Variants in MAGI2 observed in about 807,000 individuals in gnomAD.
MAGI2 encodes the protein membrane associated guanylate kinase, WW and PDZ domain containing 2, also known as membrane-associated guanylate kinase, WW and PDZ domain-containing protein 2.
MAGI2 carries 35 observed loss-of-function variants against 133.3 expected under a neutral mutation model. The observed-to-expected ratio is 0.26, with a 90% CI of 0.20 to 0.35. The LOEUF is 0.35. Ranked by LOEUF, MAGI2 falls within the 10% of genes least tolerant of loss-of-function variation. The pLI, the probability that MAGI2 is intolerant of heterozygous loss-of-function variation, is 1.00. For missense variants in MAGI2, 1,636 were observed against 1,863.4 expected (o/e 0.88, Z 2.25); for synonymous variants, 729 against 710.6 (o/e 1.03, Z -0.41).
At chr7:78,070,488 G>GTA (rs1394995553) in intron 21 of MAGI2, among the ~76,000 whole-genome samples, 1 of 143,342 alleles carries the variant, frequency 7.0e-6, no homozygotes, top group African/African-American at 2.6e-5. Flanking sequence ...ATATGTGTGT[G>GTA]TATATATGTG....
chr7:78,385,700 T>C (rs1795319813), intron 6 of MAGI2, among the ~76,000 whole-genome samples: 2 of 152,320 alleles, frequency 1.3e-5, no homozygotes, highest in African/African-American at 4.8e-5. Context: ...CACAATTCTT[T>C]CCATCTTGGC....
chr7:78,480,597 T>C (rs1792260674), intron 6 of MAGI2, among the ~76,000 whole-genome samples: 1 of 151,986 alleles, frequency 6.6e-6, no homozygotes, highest in Admixed American at 6.6e-5. Flanking sequence ...AATCACTCAA[T>C]GTAATCTACC....
chr7:78,313,629 CAA>C lies in MAGI2; in HGVS notation c.1408+30147_1408+30148del, dbSNP rs11351014. On this transcript the variant is annotated intron_variant, in intron 9 of 21. Coordinates refer to ENST00000354212, the MANE Select transcript of MAGI2 (RefSeq NM_012301.4). ...AGAAATAGGTACTTTGCTATTGGTA[CAA>C]AAAAAAAAGTCAAGAAATTTATGGA... 9.6e-5 allele frequency among the ~76,000 whole-genome samples: 14 copies of C among 145,376 alleles called. No homozygotes were observed. The East Asian group carries it at 1.4e-3, about 14-fold the overall frequency.
chr7:78,372,245 C>G (rs1793993446), intron 6 of MAGI2, among the ~76,000 whole-genome samples: 1 of 151,990 alleles, frequency 6.6e-6, no homozygotes, highest in African/African-American at 2.4e-5. Flanking sequence ...AAAAAAACTT[C>G]TTAACATTAT....
At chr7:78,370,082 A>G (rs914719917) in intron 6 of MAGI2, among the ~76,000 whole-genome samples, 1 of 152,092 alleles carries the variant, frequency 6.6e-6, no homozygotes, top group Non-Finnish European at 1.5e-5. Context: ...TGAAGTTTAA[A>G]AAGTTTTATT....
chr7:78,791,235 G>C (rs867410897), intron 2 of MAGI2, among the ~76,000 whole-genome samples: 1 of 152,042 alleles, frequency 6.6e-6, no homozygotes. Flanking sequence ...AAGAGAGAGA[G>C]AAAAGTTTAA....
intron 11 of MAGI2, among the ~76,000 whole-genome samples, chr7:78,198,432 T>A (rs1828927246): frequency 6.7e-6 from 1 of 148,254 alleles, no homozygotes; most frequent in African/African-American, 2.5e-5. Flanking sequence ...GTGGCCGTTT[T>A]TTTTTTTTTT....
intron 1 of MAGI2, chr7:79,412,793 C>T (rs138954783): frequency 2.0e-5 from 3 of 152,228 alleles, no homozygotes; most frequent in African/African-American, 4.8e-5. Flanking sequence ...TTCAGTGTTT[C>T]AGAATCTGAA....
intron 21 of MAGI2, among the ~76,000 whole-genome samples, chr7:78,069,250 G>A (rs145671945): frequency 1.9e-3 from 285 of 152,202 alleles, no homozygotes; most frequent in Non-Finnish European, 2.5e-3. Context: ...TAGAAACTTC[G>A]GCAGGCCTGG....
chr7:79,089,468 G>A (rs1213052326), intron 1 of MAGI2, among the ~76,000 whole-genome samples: 1 of 152,018 alleles, frequency 6.6e-6, no homozygotes, highest in Non-Finnish European at 1.5e-5. Flanking sequence ...ATACCCAAAA[G>A]ATTATAAATC....
intron 2 of MAGI2, among the ~76,000 whole-genome samples, chr7:78,828,765 C>T (rs368389714): frequency 2.6e-5 from 4 of 152,038 alleles, no homozygotes; most frequent in African/African-American, 7.2e-5. Context: ...GTACTATCTT[C>T]GTAAATTTTC....
At chr7:79,335,318 T>C (rs558619907) in intron 1 of MAGI2, among the ~76,000 whole-genome samples, 1 of 152,104 alleles carries the variant, frequency 6.6e-6, no homozygotes, top group Non-Finnish European at 1.5e-5. Context: ...TGAGTGAACA[T>C]CAGTGACCAT....
At chr7:78,138,910 A>C (rs1334736654) in intron 16 of MAGI2, among the ~76,000 whole-genome samples, 1 of 152,228 alleles carries the variant, frequency 6.6e-6, no homozygotes, top group Non-Finnish European at 1.5e-5. Flanking sequence ...GGTTGAAAGC[A>C]ATTTGAATTA....
Position 78,443,749 on chromosome 7 carries a change from T to C in MAGI2, c.1045+46012A>G, listed in dbSNP as rs182335332. Among the ~76,000 whole-genome samples the C allele has an allele frequency of 1.1e-3, 166 of 152,290 alleles. 2 individuals are homozygous for C. The East Asian group carries it at 0.024, about 22-fold the overall frequency. ...CCCATCTATGTCTTTGACTAATCTG[T>C]ACATCAGACTATGCAGTCAAGAATT... is the stretch of plus-strand genomic sequence containing the variant. On this transcript the variant is annotated intron_variant, in intron 6 of 21. Coordinates refer to ENST00000354212, the MANE Select transcript of MAGI2 (RefSeq NM_012301.4).
At chr7:78,442,105 A>G (rs1787689594) in intron 6 of MAGI2, among the ~76,000 whole-genome samples, 1 of 152,154 alleles carries the variant, frequency 6.6e-6, no homozygotes, top group Non-Finnish European at 1.5e-5. Context: ...CTCTTCTTCC[A>G]AAGTGTTTGC....
chr7:79,116,260 C>T (rs1316653738), intron 1 of MAGI2, among the ~76,000 whole-genome samples: 2 of 152,158 alleles, frequency 1.3e-5, no homozygotes, highest in African/African-American at 4.8e-5. Context: ...CTAAGGCTCC[C>T]ATAACATCTC....
At chr7:78,311,721 GT>G (rs1453061689) in intron 9 of MAGI2, among the ~76,000 whole-genome samples, 4 of 150,876 alleles carry the variant, frequency 2.7e-5, no homozygotes, top group African/African-American at 9.7e-5. Context: ...TTTAGACTTT[GT>G]CTTTTTAATT....
At chr7:78,745,691 G>A (rs968295648) in intron 2 of MAGI2, among the ~76,000 whole-genome samples, 1 of 152,076 alleles carries the variant, frequency 6.6e-6, no homozygotes, top group African/African-American at 2.4e-5. Flanking sequence ...ATAAGAACAA[G>A]TTGCCCATTT....
At chr7:79,245,199 C>G (rs1295171141) in intron 1 of MAGI2, among the ~76,000 whole-genome samples, 2 of 151,968 alleles carry the variant, frequency 1.3e-5, no homozygotes, top group African/African-American at 4.8e-5. Context: ...TGACATATTC[C>G]CAGCTATGGT....
Sources: gnomAD v4.1 joint callset for allele counts (sites outside exome capture counted in the v4.1 genomes callset) on GRCh38, gnomAD v4.1.1 for gene constraint, MANE v1.5 for transcripts, NCBI Gene and HGNC (gene_info 2026-07-23, HGNC 2026-07-21) for gene names.